CCSER1: variants seen among roughly 807,000 people sequenced by gnomAD.
CCSER1 encodes serine-rich coiled-coil domain-containing protein 1.
CCSER1 carries 41 observed loss-of-function variants against 82.0 expected under a neutral mutation model. The ratio of observed to expected loss-of-function variants is 0.50; its 90% confidence interval spans 0.39 to 0.65. CCSER1 has a LOEUF of 0.65. CCSER1 is among the 30% of genes least tolerant of loss of function. The probability of loss-of-function intolerance (pLI) is 0.00; values close to 1 mark genes in which losing one functional copy is unlikely to be tolerated. For synonymous variants in CCSER1, 414 were observed against 383.9 expected, an observed-to-expected ratio of 1.08 and a Z score of -0.92; for missense variants, 1,119 against 1,064.2, an observed-to-expected ratio of 1.05 and a Z score of -0.72.
intron 9 of CCSER1, among the ~76,000 whole-genome samples, chr4:90,967,522 G>A (rs1449219225): frequency 3.3e-5 from 5 of 151,836 alleles, no homozygotes; most frequent in Non-Finnish European, 7.4e-5. Context: ...AAAGAAGTTG[G>A]ACACCTACCT....
rs141209437 is a variant in CCSER1 at position 90,517,524 on chromosome 4, A to G, written c.1724+49170A>G. ...CAGAATGAGTTAAGGATGTTGACCAATAATTTAGTTTTACACATGAAATAT... is the reference window on the plus strand; with the variant it reads ...CAGAATGAGTTAAGGATGTTGACCAGTAATTTAGTTTTACACATGAAATAT... On this transcript the variant is annotated intron_variant, in intron 5 of 10. Coordinates refer to ENST00000509176, the MANE Select transcript of CCSER1 (RefSeq NM_001145065.2). Among the ~76,000 whole-genome samples the G allele has an allele frequency of 6.2e-4, 94 of 152,262 alleles. No individual in the cohort carries two copies. In the East Asian group the frequency reaches 0.017, roughly 27 times the overall value.
chr4:90,357,455 T>A (rs1200914547), intron 3 of CCSER1, among the ~76,000 whole-genome samples: 1 of 151,962 alleles, frequency 6.6e-6, no homozygotes, highest in African/African-American at 2.4e-5. Context: ...ACCTCAGAGG[T>A]TATGATTCAG....
chr4:91,171,213 C>T (rs1732715210), intron 10 of CCSER1, among the ~76,000 whole-genome samples: 2 of 152,046 alleles, frequency 1.3e-5, no homozygotes, highest in Non-Finnish European at 2.9e-5. Flanking sequence ...TTTTTTCATC[C>T]CTAAGTAGTT....
intron 10 of CCSER1, among the ~76,000 whole-genome samples, chr4:91,162,529 G>C (rs994483614): frequency 6.6e-6 from 1 of 152,116 alleles, no homozygotes; most frequent in Non-Finnish European, 1.5e-5. Context: ...TTGTACCTCT[G>C]GTAGAATTTG....
chr4:90,781,637 C>A (rs1466270706), intron 7 of CCSER1: 1 of 972,488 alleles, frequency 1.0e-6, no homozygotes, highest in African/African-American at 1.8e-5. Flanking sequence ...TTTCTGTGTT[C>A]TCTTGAAAGT....
chr4:90,294,638 C>T (rs1037773511), intron 1 of CCSER1, among the ~76,000 whole-genome samples: 14 of 151,922 alleles, frequency 9.2e-5, no homozygotes, highest in African/African-American at 3.4e-4. Context: ...TATATCCTTC[C>T]ATATTTTGTA....
intron 4 of CCSER1, among the ~76,000 whole-genome samples, chr4:90,409,490 A>G (rs1031159384): frequency 6.6e-6 from 1 of 152,208 alleles, no homozygotes; most frequent in African/African-American, 2.4e-5. Context: ...ATTCTTAAAG[A>G]AAAGAATTTT....
intron 6 of CCSER1, among the ~76,000 whole-genome samples, chr4:90,685,075 T>C (rs1468735726): frequency 6.6e-6 from 1 of 152,154 alleles, no homozygotes; most frequent in Admixed American, 6.5e-5. Flanking sequence ...CTATATAGCA[T>C]AGGATGTTTT....
At chr4:91,103,527 G>T (rs996784226) in intron 10 of CCSER1, among the ~76,000 whole-genome samples, 5 of 152,136 alleles carry the variant, frequency 3.3e-5, no homozygotes, top group African/African-American at 1.2e-4. Context: ...AGAGACTGTT[G>T]CAGGAAGTCA....
intron 9 of CCSER1, among the ~76,000 whole-genome samples, chr4:90,952,420 A>G (rs1733011466): frequency 1.3e-5 from 2 of 152,004 alleles, no homozygotes; most frequent in South Asian, 4.1e-4. Flanking sequence ...AATATCCCAC[A>G]GTGCACAAGG....
At chr4:90,447,341 A>AG (rs1560531118) in intron 4 of CCSER1, among the ~76,000 whole-genome samples, 1 of 138,806 alleles carries the variant, frequency 7.2e-6, no homozygotes, top group Non-Finnish European at 1.6e-5. Flanking sequence ...CTTCCTGGGG[A>AG]AAAAAAAAAA....
chr4:91,560,262 G>A (rs1012143428), intron 10 of CCSER1, among the ~76,000 whole-genome samples: 6 of 148,478 alleles, frequency 4.0e-5, no homozygotes, highest in African/African-American at 1.2e-4. Context: ...ACATTATTTA[G>A]TTTGTGCACT....
intron 10 of CCSER1, among the ~76,000 whole-genome samples, chr4:91,317,768 G>A (rs1035655912): frequency 2.0e-5 from 3 of 151,896 alleles, no homozygotes; most frequent in Middle Eastern, 3.2e-3. Flanking sequence ...CACTTGACAC[G>A]ATGCTTTCCC....
chr4:90,323,597 G>A (rs1475039953), intron 3 of CCSER1, among the ~76,000 whole-genome samples: 1 of 152,102 alleles, frequency 6.6e-6, no homozygotes, highest in Non-Finnish European at 1.5e-5. Context: ...CAAATTTTCT[G>A]TCTGTGCTGC....
intron 8 of CCSER1, among the ~76,000 whole-genome samples, chr4:90,914,351 C>T (rs946647831): frequency 3.3e-5 from 5 of 152,192 alleles, no homozygotes; most frequent in South Asian, 2.1e-4. Flanking sequence ...CACTCAAAAC[C>T]GCTCAACTAC....
chr4:91,298,023 G>A (rs1744352754), intron 10 of CCSER1, among the ~76,000 whole-genome samples: 1 of 151,872 alleles, frequency 6.6e-6, no homozygotes, highest in Non-Finnish European at 1.5e-5. Context: ...TGTTAAGAAG[G>A]AAAAAATCCT....
chr4:91,250,795 C>T (rs1447277439), intron 10 of CCSER1, among the ~76,000 whole-genome samples: 1 of 151,768 alleles, frequency 6.6e-6, no homozygotes, highest in African/African-American at 2.4e-5. Flanking sequence ...ATTAATATTG[C>T]TTTTCTTCCA....
intron 10 of CCSER1, among the ~76,000 whole-genome samples, chr4:91,281,836 T>C (rs546346479): frequency 1.3e-5 from 2 of 152,218 alleles, no homozygotes; most frequent in African/African-American, 2.4e-5. Flanking sequence ...TAGGAATGCA[T>C]TGTAGTATTC....
intron 10 of CCSER1, among the ~76,000 whole-genome samples, chr4:91,504,941 A>T (rs1759406382): frequency 6.6e-6 from 1 of 152,106 alleles, no homozygotes; most frequent in Non-Finnish European, 1.5e-5. Flanking sequence ...TATTCTTTAA[A>T]AAAATTATTT....
Sources: allele counts gnomAD v4.1 joint callset (sites outside exome capture counted in the v4.1 genomes callset), GRCh38; gene constraint gnomAD v4.1.1; transcripts MANE v1.5; gene names NCBI Gene and HGNC (gene_info 2026-07-23, HGNC 2026-07-21).